The following RYR3 variants were observed in gnomAD, a reference collection of about 807,000 sequenced individuals.
RYR3 encodes the protein brain ryanodine receptor-calcium release channel.
In RYR3, 207 loss-of-function variants were observed where a neutral mutation model predicts 584.3. That is an observed-to-expected ratio of 0.35 (90% CI 0.32 to 0.40). RYR3 has a LOEUF of 0.40. RYR3 is among the 10% of genes least tolerant of loss of function. RYR3 has a pLI of 1.00. For synonymous variants in RYR3, 2,416 were observed against 2,248.5 expected (o/e 1.07, Z -2.11); for missense variants, 5,616 against 6,089.2 (o/e 0.92, Z 2.59).
At chr15:33,376,649 C>T (rs574820039) in intron 1 of RYR3, among the ~76,000 whole-genome samples, 19 of 152,292 alleles carry the variant, frequency 1.2e-4, no homozygotes, top group Middle Eastern at 3.4e-3. Flanking sequence ...GGAATGGGGT[C>T]TTGGTCTGAA....
intron 19 of RYR3, among the ~76,000 whole-genome samples, chr15:33,620,444 A>G (rs1017679340): frequency 1.3e-5 from 2 of 152,158 alleles, no homozygotes; most frequent in East Asian, 3.9e-4. Context: ...GTTTTTTAGT[A>G]TATACTACAT....
chr15:33,860,762 A>G, intron 101 of RYR3, 103 bp downstream of exon 101: 2 of 904,190 alleles, frequency 2.2e-6, no homozygotes, highest in Non-Finnish European at 3.4e-6. Context: ...GCCAGTACTA[A>G]GCAAGAACGC....
In RYR3 at chr15:33,659,747, G is replaced by T. The variant is rs750230198; in HGVS notation, c.4336G>T (p.Ala1446Ser). 4.3e-6 allele frequency: 7 copies of T among 1,613,060 alleles called. No homozygotes were observed. In the Admixed American group the frequency reaches 1.2e-4, roughly 27 times the overall value. Residue 1446 changes from alanine to serine, a missense_variant, in exon 33 of 104, where the codon GCA (alanine) becomes TCA (serine). By Grantham distance (99) the Ala-to-Ser change is moderately conservative. This residue lies in a region of RYR3 where 753 missense variants were observed against 741.0 expected (regional missense o/e 1.02). Transcript: ENST00000634891. Reference sequence around the variant, plus strand: ...GGAGCCTAATACCAAAGTGTTTCCAGCAGTCTTCCTGCAGCCTACAAGTAC... The same window carrying T: ...GGAGCCTAATACCAAAGTGTTTCCATCAGTCTTCCTGCAGCCTACAAGTAC... ...QVEPNTKVFP[A>S]VFLQPTSTSL...
chr15:33,484,552 T>C (rs1348066928), intron 2 of RYR3, among the ~76,000 whole-genome samples: 4 of 152,152 alleles, frequency 2.6e-5, no homozygotes, highest in Admixed American at 2.0e-4. Flanking sequence ...AAGGAAAACA[T>C]AGACTTGTGA....
In RYR3 at chr15:33,773,324, G is replaced by A. The variant is rs2073746611; in HGVS notation, c.9056-210G>A. 2.6e-5 allele frequency among the ~76,000 whole-genome samples: 4 copies of A among 152,158 alleles called. 1 individual carries two copies. The highest frequency in any genetic ancestry group is 2.6e-4 in the Admixed American group (4 of 15,284). On this transcript the variant is annotated intron_variant, in intron 63 of 103. Coordinates refer to ENST00000634891, the MANE Select transcript of RYR3 (RefSeq NM_001036.6). ...TAAGCCCCACAAAGGAACTGGGATT[G>A]CTCAGTGGAGGATTTTTCCTATATT...
At chr15:33,532,204 G>A (rs548976452) in intron 4 of RYR3, among the ~76,000 whole-genome samples, 220 of 152,282 alleles carry the variant, frequency 1.4e-3, no homozygotes, top group Non-Finnish European at 2.0e-3. Flanking sequence ...CTAATCCTAA[G>A]ATGAGCAGCT....
intron 5 of RYR3, among the ~76,000 whole-genome samples, chr15:33,538,455 GA>G (rs1483122618): frequency 6.6e-6 from 1 of 152,162 alleles, no homozygotes; most frequent in East Asian, 1.9e-4. Flanking sequence ...TATAAAGTTT[GA>G]ATTCTGTTTT....
intron 1 of RYR3, among the ~76,000 whole-genome samples, chr15:33,409,220 C>T (rs995275185): frequency 6.6e-6 from 1 of 151,902 alleles, no homozygotes; most frequent in Non-Finnish European, 1.5e-5. Context: ...TTTTAACGTG[C>T]ATGTGTACAA....
chr15:33,713,652 A>G (rs1042139285), intron 43 of RYR3, among the ~76,000 whole-genome samples: 2 of 152,206 alleles, frequency 1.3e-5, no homozygotes, highest in Admixed American at 1.3e-4. Context: ...TAGTCTGTTC[A>G]GGCTGCCATA....
Position 33,576,479 on chromosome 15 carries a change from A to G in RYR3, c.1269-3497A>G, listed in dbSNP as rs113909511. On this transcript the variant is annotated intron_variant, in intron 12 of 103. Coordinates refer to ENST00000634891, the MANE Select transcript of RYR3 (RefSeq NM_001036.6). ...TGGTTCAACATATGCAAATCAATAA[A>G]CACAATTCTTCACATAAACAGAACT... Among the ~76,000 whole-genome samples the G allele has an allele frequency of 4.0e-3, 607 of 152,332 alleles. 4 individuals are homozygous for G. Among genetic ancestry groups the G allele is most frequent in the African/African-American group, 0.014 (566 of 41,584 alleles).
At chr15:33,587,804 G>A (rs1321422656) in intron 16 of RYR3, among the ~76,000 whole-genome samples, 1 of 152,118 alleles carries the variant, frequency 6.6e-6, no homozygotes, top group African/African-American at 2.4e-5. Flanking sequence ...CATTTTCAAA[G>A]AGAAAAAACA....
chr15:33,854,560 C>G, intron 97 of RYR3, 111 bp downstream of exon 97: 2 of 1,082,540 alleles, frequency 1.8e-6, no homozygotes, highest in Non-Finnish European at 2.7e-6. Context: ...TATCAAAGAC[C>G]AAGAGCCTTA....
At chr15:33,459,488 C>G (rs943874724) in intron 1 of RYR3, among the ~76,000 whole-genome samples, 2 of 152,130 alleles carry the variant, frequency 1.3e-5, no homozygotes, top group Non-Finnish European at 2.9e-5. Flanking sequence ...GAAAGCTGTG[C>G]TTTCTGGTTT....
intron 1 of RYR3, among the ~76,000 whole-genome samples, chr15:33,358,757 A>G (rs1367183432): frequency 6.6e-6 from 1 of 151,954 alleles, no homozygotes; most frequent in Admixed American, 6.6e-5. Context: ...AGTTAAATTT[A>G]TAAAAATGAG....
chr15:33,645,915 A>G (rs2062076752), intron 28 of RYR3, among the ~76,000 whole-genome samples: 1 of 152,234 alleles, frequency 6.6e-6, no homozygotes, highest in Middle Eastern at 3.4e-3. Flanking sequence ...CAGGAGCTGG[A>G]CATCCTTCCT....
At chr15:33,720,626 G>T (rs1161953327) in intron 43 of RYR3, among the ~76,000 whole-genome samples, 6 of 152,250 alleles carry the variant, frequency 3.9e-5, no homozygotes, top group Non-Finnish European at 7.3e-5. Flanking sequence ...CACTTTGGGA[G>T]GCCAAAGCAG....
chr15:33,625,523 C>T (rs754545728), intron 20 of RYR3, among the ~76,000 whole-genome samples: 2 of 152,030 alleles, frequency 1.3e-5, no homozygotes, highest in Non-Finnish European at 2.9e-5. Flanking sequence ...TTTCTTCTAC[C>T]CTCCTAGGTT....
At chr15:33,335,418 T>G (rs1970841035) in intron 1 of RYR3, among the ~76,000 whole-genome samples, 1 of 152,144 alleles carries the variant, frequency 6.6e-6, no homozygotes, top group Admixed American at 6.5e-5. Context: ...CTTAGCAAAC[T>G]AATACAGGAA....
intron 3 of RYR3, among the ~76,000 whole-genome samples, chr15:33,522,092 TAA>T (rs36044198): frequency 4.4e-5 from 5 of 114,754 alleles, no homozygotes; most frequent in Admixed American, 1.8e-4. Context: ...CATCTCTACT[TAA>T]AAAAAAAAAA....
Sources: allele counts gnomAD v4.1 joint callset (sites outside exome capture counted in the v4.1 genomes callset), GRCh38; gene constraint gnomAD v4.1.1; regional missense constraint gnomAD v4.1.1; transcripts MANE v1.5; gene names NCBI Gene and HGNC (gene_info 2026-07-23, HGNC 2026-07-21).